TOMM20L: variants seen among roughly 807,000 people sequenced by gnomAD.
TOMM20L encodes TOMM20-like protein 1.
A neutral mutation model predicts 20.4 loss-of-function variants in TOMM20L; 19 were observed. The observed-to-expected ratio is 0.93, with a 90% CI of 0.65 to 1.36. The LOEUF is 1.36. Ranked by LOEUF, TOMM20L falls within the 40% of genes most tolerant of loss-of-function variation. TOMM20L has a pLI of 0.00. For synonymous variants in TOMM20L, 75 were observed against 79.6 expected, an observed-to-expected ratio of 0.94 and a Z score of 0.30; for missense variants, 218 against 203.7, an observed-to-expected ratio of 1.07 and a Z score of -0.43.
the TOMM20L span, among the ~76,000 whole-genome samples, chr14:58,416,553 G>A: frequency 1.2e-4 from 18 of 152,270 alleles, no homozygotes; most frequent in African/African-American, 3.1e-4. Flanking sequence ...GTTTCTAAAC[G>A]AAGAAAATGA....
intron 3 of TOMM20L, among the ~76,000 whole-genome samples, chr14:58,403,754 T>C (rs1396453734): frequency 6.6e-6 from 1 of 151,440 alleles, no homozygotes; most frequent in African/African-American, 2.4e-5. Context: ...AGGAGAATGG[T>C]GTGAACCCGG....
intron 2 of TOMM20L, among the ~76,000 whole-genome samples, chr14:58,401,779 C>T (rs549738029): frequency 6.6e-6 from 1 of 152,224 alleles, no homozygotes; most frequent in South Asian, 2.1e-4. Flanking sequence ...CATCTTGTGG[C>T]CATGGTCGCC....
downstream of TOMM20L, among the ~76,000 whole-genome samples, chr14:58,409,752 G>C (rs2140310686): frequency 6.6e-6 from 1 of 151,142 alleles, no homozygotes; most frequent in Admixed American, 6.6e-5. Flanking sequence ...CTAATTTTTT[G>C]TATTTTTAGT....
chr14:58,404,099 G>GTGTGTATGTATATA (rs1408980666), intron 3 of TOMM20L, among the ~76,000 whole-genome samples: 2 of 22,944 alleles, frequency 8.7e-5, no homozygotes, highest in Non-Finnish European at 1.7e-4. Flanking sequence ...ACATATATAT[G>GTGTGTATGTATATA]TATATATATA....
chr14:58,399,276 C>G (rs1314926961), intron 2 of TOMM20L, among the ~76,000 whole-genome samples: 1 of 152,190 alleles, frequency 6.6e-6, no homozygotes, highest in Non-Finnish European at 1.5e-5. Context: ...CTTCCCAGGA[C>G]TTTCCCAAAG....
chr14:58,411,968 T>A (rs755077145), downstream of TOMM20L: 1 of 1,610,998 alleles, frequency 6.2e-7, no homozygotes, highest in East Asian at 2.2e-5. Context: ...CCTTTATTAG[T>A]CACCTAATTT....
the TOMM20L span, among the ~76,000 whole-genome samples, chr14:58,414,970 T>C: frequency 1.3e-5 from 2 of 152,082 alleles, no homozygotes; most frequent in African/African-American, 2.4e-5. Flanking sequence ...AGGACTTGCA[T>C]TACTGCCTCA....
downstream of TOMM20L, among the ~76,000 whole-genome samples, chr14:58,409,771 G>A (rs1290117752): frequency 1.3e-5 from 2 of 151,718 alleles, no homozygotes; most frequent in Non-Finnish European, 2.9e-5. Context: ...GTAGAGACGG[G>A]GTTTCACTGT....
At chr14:58,408,865 T>C, downstream of TOMM20L, 1 of 948,508 alleles carries the variant, frequency 1.1e-6, no homozygotes, top group Non-Finnish European at 1.5e-6. Flanking sequence ...TGATTATTCC[T>C]GGTAAATAGC....
At chr14:58,411,074 TG>T, downstream of TOMM20L, 1 of 643,110 alleles carries the variant, frequency 1.6e-6, no homozygotes, top group Non-Finnish European at 2.7e-6. Context: ...CTAACTTAAA[TG>T]GGTACAGTAT....
At chr14:58,400,883 A>G (rs2035985566) in intron 2 of TOMM20L, among the ~76,000 whole-genome samples, 1 of 152,148 alleles carries the variant, frequency 6.6e-6, no homozygotes, top group Admixed American at 6.6e-5. Context: ...GTCTCAAAAA[A>G]CAAACAAACA....
At chr14:58,404,099 G>GTGTGTGTATATATATATATATATATA (rs1408980666) in intron 3 of TOMM20L, among the ~76,000 whole-genome samples, 509 of 22,922 alleles carry the variant, frequency 0.022, 75 homozygotes, top group Admixed American at 0.049. Context: ...ACATATATAT[G>GTGTGTGTATATATATATATATATATA]TATATATATA....
At chr14:58,405,525 T>C (rs886741940) in intron 3 of TOMM20L, among the ~76,000 whole-genome samples, 2 of 152,220 alleles carry the variant, frequency 1.3e-5, no homozygotes, top group Non-Finnish European at 2.9e-5. Context: ...ATAGCTTTTT[T>C]ATTTTTTGGG....
chr14:58,405,872 T>C (rs1460828294), intron 3 of TOMM20L, among the ~76,000 whole-genome samples: 1 of 152,250 alleles, frequency 6.6e-6, no homozygotes, highest in Non-Finnish European at 1.5e-5. Context: ...CGGTCTTGGC[T>C]GCTTATTCTT....
At position 58,396,020 on chromosome 14, in the gene TOMM20L, C is replaced by T. The variant is rs754576577; in HGVS notation, c.63C>T (p.Ala21=). The T allele has an allele frequency of 3.4e-6, 5 of 1,452,002 alleles. No homozygotes were observed. Among genetic ancestry groups the T allele is most frequent in the East Asian group, 2.8e-5 (1 of 35,672 alleles). 89.9% of individuals were successfully genotyped at this position (1,452,002 alleles called of 1,614,324 possible). A position where few individuals can be genotyped will look rare whatever the true frequency, so the allele number is the denominator to read the frequency against. Residue 21 remains alanine, a synonymous_variant, in exon 1 of 5, where the codon GCC becomes GCT. Transcript: ENST00000360945. ...LAAAAACGAF[A]FLGYCIYLNR... ...CCGCGGCGGCCTGTGGCGCCTTCGC[C>T]TTCCTGGGCTATTGTATTTACCTCA... is the stretch of plus-strand genomic sequence containing the variant.
chr14:58,405,020 G>C (rs2036040176), intron 3 of TOMM20L, among the ~76,000 whole-genome samples: 1 of 150,978 alleles, frequency 6.6e-6, no homozygotes, highest in African/African-American at 2.4e-5. Flanking sequence ...CCAGGCTGGA[G>C]TGCAATGGCG....
At chr14:58,407,000 A>C (rs2036068720) in intron 3 of TOMM20L, among the ~76,000 whole-genome samples, 1 of 152,206 alleles carries the variant, frequency 6.6e-6, no homozygotes, top group Admixed American at 6.5e-5. Flanking sequence ...ATATTAATAA[A>C]AGCAGACAAC....
the TOMM20L span, among the ~76,000 whole-genome samples, chr14:58,416,485 A>T: frequency 6.6e-6 from 1 of 152,210 alleles, no homozygotes; most frequent in Admixed American, 6.5e-5. Context: ...GACATTCTCA[A>T]ATGTAGGAAA....
chr14:58,411,978 T>A (rs748393519), downstream of TOMM20L: 475 of 1,606,560 alleles, frequency 3.0e-4, no homozygotes, highest in Non-Finnish European at 3.9e-4. Flanking sequence ...TCACCTAATT[T>A]AAAAATTCAA....
Sources: allele counts gnomAD v4.1 joint callset (sites outside exome capture counted in the v4.1 genomes callset), GRCh38; gene constraint gnomAD v4.1.1; transcripts MANE v1.5; gene names NCBI Gene and HGNC (gene_info 2026-07-23, HGNC 2026-07-21).